The following EPHA6 variants were observed in gnomAD, a reference collection of about 807,000 sequenced individuals.
The protein encoded by EPHA6 is EPH receptor A6, also known as ephrin type-A receptor 6.
EPHA6 carries 50 observed loss-of-function variants against 112.0 expected under a neutral mutation model. That is an observed-to-expected ratio of 0.45 (90% CI 0.36 to 0.56). The LOEUF (loss-of-function observed/expected upper bound fraction) is 0.56, where lower values mean the gene tolerates loss of function less well. EPHA6 is among the 20% of genes least tolerant of loss of function. The pLI is 0.00. For synonymous variants in EPHA6, 529 were observed against 490.7 expected, an observed-to-expected ratio of 1.08 and a Z score of -1.03; for missense variants, 1,280 against 1,417.4, an observed-to-expected ratio of 0.90 and a Z score of 1.56.
chr3:96,943,900 A>C (rs1253734028), intron 2 of EPHA6, among the ~76,000 whole-genome samples: 7 of 152,200 alleles, frequency 4.6e-5, no homozygotes, highest in Non-Finnish European at 1.0e-4. Flanking sequence ...GAGATGTTGG[A>C]AATTATTGAA....
chr3:97,056,130 T>C (rs1392901289), intron 3 of EPHA6, among the ~76,000 whole-genome samples: 3 of 152,146 alleles, frequency 2.0e-5, no homozygotes, highest in East Asian at 3.9e-4. Context: ...TTACACAGAA[T>C]ATTAGAACAT....
intron 5 of EPHA6, among the ~76,000 whole-genome samples, chr3:97,400,053 T>C (rs946084511): frequency 6.6e-6 from 1 of 151,776 alleles, no homozygotes; most frequent in Non-Finnish European, 1.5e-5. Flanking sequence ...GTGTTTTCTT[T>C]AAATAGTTTT....
chr3:97,044,942 A>C (rs534731483), intron 3 of EPHA6, among the ~76,000 whole-genome samples: 6 of 152,216 alleles, frequency 3.9e-5, no homozygotes, highest in African/African-American at 1.4e-4. Context: ...GTCTTTAGAA[A>C]GTCTAAGGAA....
intron 3 of EPHA6, among the ~76,000 whole-genome samples, chr3:97,122,374 G>C (rs796309203): frequency 2.0e-5 from 3 of 152,024 alleles, no homozygotes; most frequent in African/African-American, 7.2e-5. Flanking sequence ...ATTGAATTAC[G>C]TGTATTTTTA....
At chr3:97,543,904 G>A (rs1366037159) in intron 11 of EPHA6, among the ~76,000 whole-genome samples, 2 of 152,050 alleles carry the variant, frequency 1.3e-5, no homozygotes, top group Admixed American at 6.6e-5. Context: ...TCTGTTATTG[G>A]TGTATAAGAA....
intron 13 of EPHA6, among the ~76,000 whole-genome samples, chr3:97,634,318 T>C (rs1159329995): frequency 6.6e-6 from 1 of 151,914 alleles, no homozygotes; most frequent in East Asian, 1.9e-4. Context: ...CCTATAATAA[T>C]GTGGAAGAAA....
chr3:97,591,891 G>C (rs888886225), intron 11 of EPHA6, among the ~76,000 whole-genome samples: 1 of 151,796 alleles, frequency 6.6e-6, no homozygotes, highest in African/African-American at 2.4e-5. Flanking sequence ...TCTAAAATGA[G>C]TGGTTTTAAC....
intron 3 of EPHA6, among the ~76,000 whole-genome samples, chr3:97,102,118 T>A (rs2047421399): frequency 6.6e-6 from 1 of 152,104 alleles, no homozygotes; most frequent in Non-Finnish European, 1.5e-5. Flanking sequence ...CTGGAGGCAC[T>A]GAGCCGCCAT....
chr3:97,228,522 GGT>G (rs927353682), intron 4 of EPHA6, among the ~76,000 whole-genome samples: 21 of 147,652 alleles, frequency 1.4e-4, no homozygotes, highest in African/African-American at 2.0e-4. Context: ...AGCATTCTAT[GGT>G]GTGTGTGTGT....
intron 3 of EPHA6, among the ~76,000 whole-genome samples, chr3:97,069,634 A>G (rs777284858): frequency 1.3e-5 from 2 of 152,152 alleles, no homozygotes; most frequent in Non-Finnish European, 2.9e-5. Context: ...CCCAAACAGC[A>G]TCTGTATGGC....
At chr3:96,886,303 A>G (rs6438819) in intron 2 of EPHA6, among the ~76,000 whole-genome samples, 2,045 of 152,172 alleles carry the variant, frequency 0.013, 49 homozygotes, top group African/African-American at 0.045. Context: ...TTGTGTTGCT[A>G]TCTGTCTCAT....
chr3:97,265,719 C>T (rs572093454), intron 5 of EPHA6, among the ~76,000 whole-genome samples: 1 of 152,338 alleles, frequency 6.6e-6, no homozygotes, highest in South Asian at 2.1e-4. Context: ...CGGTTCCCCA[C>T]AGCCTGTGGT....
intron 6 of EPHA6, among the ~76,000 whole-genome samples, chr3:97,439,004 T>A (rs2089997872): frequency 6.6e-6 from 1 of 152,206 alleles, no homozygotes; most frequent in South Asian, 2.1e-4. Flanking sequence ...CAGTTCGTTA[T>A]CTATATATGT....
At chr3:97,650,718 G>A (rs886615336) in intron 14 of EPHA6, among the ~76,000 whole-genome samples, 2 of 151,764 alleles carry the variant, frequency 1.3e-5, no homozygotes, top group African/African-American at 2.4e-5. Flanking sequence ...TCTTCAATAT[G>A]TGTTTTAAAG....
At chr3:97,447,275 C>G (rs1263507015) in intron 6 of EPHA6, among the ~76,000 whole-genome samples, 3 of 152,102 alleles carry the variant, frequency 2.0e-5, no homozygotes, top group Non-Finnish European at 4.4e-5. Flanking sequence ...CATATGTGTA[C>G]ATTTTCATAA....
intron 16 of EPHA6, among the ~76,000 whole-genome samples, chr3:97,740,204 C>T (rs868778601): frequency 1.3e-5 from 2 of 152,116 alleles, no homozygotes; most frequent in African/African-American, 2.4e-5. Context: ...CTTCAACCCT[C>T]GCCCCTGATT....
At chr3:97,434,900 C>T (rs1460698177) in intron 6 of EPHA6, among the ~76,000 whole-genome samples, 6 of 151,602 alleles carry the variant, frequency 4.0e-5, no homozygotes, top group African/African-American at 1.5e-4. Context: ...TCCCACCCTC[C>T]CTACCCCTTA....
At chr3:97,228,690 G>A (rs766795711) in intron 4 of EPHA6, among the ~76,000 whole-genome samples, 17 of 151,932 alleles carry the variant, frequency 1.1e-4, no homozygotes, top group Admixed American at 5.9e-4. Context: ...ACATGCATGC[G>A]CAAGTGTCAA....
intron 3 of EPHA6, among the ~76,000 whole-genome samples, chr3:97,156,156 T>G (rs1267074756): frequency 6.6e-6 from 1 of 152,132 alleles, no homozygotes; most frequent in African/African-American, 2.4e-5. Context: ...CTTGGAAAAT[T>G]GAAATAATAC....
Sources: gnomAD v4.1 joint callset for allele counts (sites outside exome capture counted in the v4.1 genomes callset) on GRCh38, gnomAD v4.1.1 for gene constraint, MANE v1.5 for transcripts, NCBI Gene and HGNC (gene_info 2026-07-23, HGNC 2026-07-21) for gene names.